Variants in PLXNC1 observed in about 807,000 individuals in gnomAD.
PLXNC1 encodes plexin C1.
PLXNC1 carries 75 observed loss-of-function variants against 178.2 expected under a neutral mutation model. The ratio of observed to expected loss-of-function variants is 0.42; its 90% CI spans 0.35 to 0.51. The LOEUF is 0.51. Among genes scored for constraint, PLXNC1 ranks in the 20% least tolerant of loss-of-function variants. PLXNC1 has a pLI of 0.02. For synonymous variants in PLXNC1, 790 were observed against 779.9 expected (o/e 1.01, Z -0.22); for missense variants, 1,503 against 1,984.4 (o/e 0.76, Z 4.61).
chr12:94,194,067 G>A (rs1962825221), intron 4 of PLXNC1, among the ~76,000 whole-genome samples: 1 of 152,138 alleles, frequency 6.6e-6, no homozygotes, highest in African/African-American at 2.4e-5. Flanking sequence ...GAGGCCTCAG[G>A]AAACTTACAA....
chr12:94,266,008 G>T (rs1358171812), intron 21 of PLXNC1, among the ~76,000 whole-genome samples: 1 of 152,156 alleles, frequency 6.6e-6, no homozygotes, highest in East Asian at 1.9e-4. Context: ...GCTGTGTTTT[G>T]GTTTGATCTT....
At chr12:94,270,717 A>T (rs1291557048) in intron 21 of PLXNC1, among the ~76,000 whole-genome samples, 1 of 152,174 alleles carries the variant, frequency 6.6e-6, no homozygotes, top group African/African-American at 2.4e-5. Context: ...GCAAGTATAG[A>T]AAAATTGGTG....
At chr12:94,210,944 T>C (rs1470949405) in intron 5 of PLXNC1, among the ~76,000 whole-genome samples, 1 of 152,238 alleles carries the variant, frequency 6.6e-6, no homozygotes, top group African/African-American at 2.4e-5. Flanking sequence ...TAGAATACCA[T>C]AATCCTTGAA....
chr12:94,150,606 T>C (rs1960923569), intron 1 of PLXNC1, among the ~76,000 whole-genome samples: 1 of 152,200 alleles, frequency 6.6e-6, no homozygotes, highest in South Asian at 2.1e-4. Context: ...CGTGGAGAAA[T>C]GCCAGCCTGC....
intron 4 of PLXNC1, among the ~76,000 whole-genome samples, chr12:94,191,388 C>G (rs1962718848): frequency 6.6e-6 from 1 of 152,148 alleles, no homozygotes; most frequent in Admixed American, 6.5e-5. Context: ...AATTTATTTT[C>G]TCTGTTGAGA....
At chr12:94,301,766 T>C (rs1249227120) in intron 28 of PLXNC1, among the ~76,000 whole-genome samples, 1 of 152,192 alleles carries the variant, frequency 6.6e-6, no homozygotes, top group Non-Finnish European at 1.5e-5. Context: ...AGTCATAATC[T>C]AAACTCTTTA....
chr12:94,294,010 C>G (rs990560967), intron 23 of PLXNC1, among the ~76,000 whole-genome samples: 1 of 152,158 alleles, frequency 6.6e-6, no homozygotes, highest in Non-Finnish European at 1.5e-5. Flanking sequence ...CCTCCTAATA[C>G]CATCACACTG....
chr12:94,242,471 C>T (rs80298059), intron 11 of PLXNC1, among the ~76,000 whole-genome samples: 1 of 151,850 alleles, frequency 6.6e-6, no homozygotes, highest in Non-Finnish European at 1.5e-5. Context: ...ATAAGGACAT[C>T]GGTCATGTTG....
At chr12:94,243,124 A>G (rs1964434866) in intron 11 of PLXNC1, among the ~76,000 whole-genome samples, 1 of 152,234 alleles carries the variant, frequency 6.6e-6, no homozygotes, top group Non-Finnish European at 1.5e-5. Context: ...GCCCTTCCCC[A>G]TTGTGGCTGG....
intron 12 of PLXNC1, among the ~76,000 whole-genome samples, chr12:94,246,887 C>G (rs1187053810): frequency 1.5e-5 from 2 of 136,946 alleles, no homozygotes; most frequent in Non-Finnish European, 3.0e-5. Flanking sequence ...GCTCTAGTAT[C>G]AGGGGGTGGC....
chr12:94,159,036 A>G (rs765265215), intron 1 of PLXNC1, among the ~76,000 whole-genome samples: 1 of 152,230 alleles, frequency 6.6e-6, no homozygotes, highest in Non-Finnish European at 1.5e-5. Context: ...AGTGGCTGCA[A>G]TAAGGTTGGA....
At position 94,247,923 on chromosome 12, in the gene PLXNC1, G is replaced by A. The variant is rs141054927; in HGVS notation, c.2409G>A (p.Ala803=). The stretch of plus-strand genomic sequence containing the variant: ...TCCAGGTCTCTGAATATTGTGTGGC[G>A]ACTTACTGCGGGTTTTTAGCCCCCA... The part of the protein sequence containing the change: ...GNINVSEYCV[A]TYCGFLAPSL... Residue 803 remains alanine, a synonymous_variant, in exon 13 of 31, where the codon GCG becomes GCA. Coordinates refer to ENST00000258526, the MANE Select transcript of PLXNC1 (RefSeq NM_005761.3). 673 of 1,613,848 alleles carry A rather than the reference G, an allele frequency of 4.2e-4. 4 individuals are homozygous for A. Among genetic ancestry groups the A allele is most frequent in the Admixed American group, 2.5e-4 (15 of 60,000 alleles).
At chr12:94,151,619 A>G (rs187115394) in intron 1 of PLXNC1, among the ~76,000 whole-genome samples, 34 of 152,204 alleles carry the variant, frequency 2.2e-4, no homozygotes, top group African/African-American at 8.2e-4. Context: ...TACCCCCGAA[A>G]TATTACTTTG....
rs146455025 is a variant in PLXNC1 at position 94,160,026 on chromosome 12, A to G, written c.1063-9127A>G. On this transcript the variant is annotated intron_variant, in intron 1 of 30. Transcript: ENST00000258526. ...ATGAGTTTAATTTTTGTTGATTTTT[A>G]GATGCCTTGGGACATACAGGAAGAC... Among the ~76,000 whole-genome samples the G allele has an allele frequency of 2.8e-3, 427 of 152,326 alleles. 1 individual carries two copies. Among genetic ancestry groups the G allele is most frequent in the African/African-American group, 1.0e-2 (415 of 41,578 alleles).
intron 4 of PLXNC1, among the ~76,000 whole-genome samples, chr12:94,197,516 A>C (rs925903828): frequency 6.6e-6 from 1 of 151,650 alleles, no homozygotes; most frequent in Non-Finnish European, 1.5e-5. Flanking sequence ...TGCAGCAAGA[A>C]GGCCCTCACC....
At chr12:94,246,627 T>G (rs747922740) in intron 12 of PLXNC1, among the ~76,000 whole-genome samples, 2 of 152,176 alleles carry the variant, frequency 1.3e-5, no homozygotes, top group Non-Finnish European at 2.9e-5. Context: ...TTGAGGATAA[T>G]AGGGTTGGGT....
Position 94,307,192 on chromosome 12 carries a change from G to A in PLXNC1, c.*1907G>A, listed in dbSNP as rs1318240922. 4 of 152,190 alleles carry A rather than the reference G, an allele frequency of 2.6e-5. No individual in the cohort carries two copies. Among genetic ancestry groups the A allele is most frequent in the African/African-American group, 9.7e-5 (4 of 41,438 alleles). The allele number at this position is 152,190 out of a possible 1,614,324, so 9.4% of individuals were successfully genotyped here. On this transcript the variant is annotated 3_prime_UTR_variant, in exon 31 of 31. Transcript: ENST00000258526. ...AGTTACCTCCTCTTCCAGGGACTGT[G>A]CTGTTGGGAACTTTGGGCAAGTCAC...
chr12:94,165,310 A>G (rs1961569363), intron 1 of PLXNC1, among the ~76,000 whole-genome samples: 1 of 152,160 alleles, frequency 6.6e-6, no homozygotes, highest in South Asian at 2.1e-4. Flanking sequence ...ATTTGCTGCA[A>G]TAAGCATAAG....
intron 9 of PLXNC1, among the ~76,000 whole-genome samples, chr12:94,232,963 C>A (rs1356238044): frequency 6.6e-6 from 1 of 152,160 alleles, no homozygotes; most frequent in Non-Finnish European, 1.5e-5. Context: ...TGAATATAAA[C>A]ATTGGTTAAA....
Sources: gnomAD v4.1 joint callset for allele counts (sites outside exome capture counted in the v4.1 genomes callset) on GRCh38, gnomAD v4.1.1 for gene constraint, MANE v1.5 for transcripts, NCBI Gene and HGNC (gene_info 2026-07-23, HGNC 2026-07-21) for gene names.